Variants in B3GNT2 observed in about 807,000 individuals in gnomAD.
B3GNT2 encodes UDP-GlcNAc:betaGal beta-1,3-N-acetylglucosaminyltransferase 2.
In B3GNT2, 12 loss-of-function variants were observed where a neutral mutation model predicts 27.6. The observed-to-expected ratio is 0.44, with a 90% CI of 0.28 to 0.71. The LOEUF (loss-of-function observed/expected upper bound fraction) is 0.71. Ranked by LOEUF, B3GNT2 falls within the 30% of genes least tolerant of loss-of-function variation. B3GNT2 has a pLI of 0.17. For missense variants in B3GNT2, 413 were observed against 488.5 expected (o/e 0.85, Z 1.46); for synonymous variants, 192 against 189.7 (o/e 1.01, Z -0.10).
chr2:62,211,290 A>G (rs572496934), intron 1 of B3GNT2, among the ~76,000 whole-genome samples: 1 of 152,292 alleles, frequency 6.6e-6, no homozygotes, highest in African/African-American at 2.4e-5. Flanking sequence ...CAGGAGGTTG[A>G]GGCTGCAGTG....
Position 62,222,130 on chromosome 2 carries a change from C to T in B3GNT2, c.-9-82C>T. On this transcript the variant is annotated intron_variant, in intron 1 of 1. Coordinates refer to ENST00000301998, the MANE Select transcript of B3GNT2 (RefSeq NM_006577.6). This position sits in a 1 kb window ranked among gnomAD's most constrained non-coding sequence, Gnocchi z 4.2. Reference sequence around the variant, plus strand: ...GAGTCTTTGCTGTAAACCACTATTCCTGGGGAGACAGGTAAAATAAATTGT... The same window carrying T: ...GAGTCTTTGCTGTAAACCACTATTCTTGGGGAGACAGGTAAAATAAATTGT... 1 of 1,251,870 alleles carries T rather than the reference C, an allele frequency of 8.0e-7. No homozygotes were observed. The highest frequency in any genetic ancestry group is 1.1e-6 in the Non-Finnish European group (1 of 903,786). 77.5% of individuals were successfully genotyped at this position (1,251,870 alleles called of 1,614,324 possible).
At chr2:62,216,011 C>T (rs72803365) in intron 1 of B3GNT2, among the ~76,000 whole-genome samples, 1,966 of 152,250 alleles carry the variant, frequency 0.013, 22 homozygotes, top group Middle Eastern at 0.017. Context: ...TCGTTCTGTC[C>T]CTGGCTAGTT....
intron 1 of B3GNT2, among the ~76,000 whole-genome samples, chr2:62,205,130 T>C (rs942851564): frequency 2.0e-5 from 3 of 152,204 alleles, no homozygotes; most frequent in African/African-American, 4.8e-5. Flanking sequence ...CCTCCACATA[T>C]GTGATCACCT....
intron 1 of B3GNT2, among the ~76,000 whole-genome samples, chr2:62,217,388 C>T (rs1256435359): frequency 6.6e-6 from 1 of 152,314 alleles, no homozygotes; most frequent in East Asian, 1.9e-4. Context: ...GTGCCCCCTA[C>T]CCTGTGCCTC....
intron 1 of B3GNT2, chr2:62,215,456 C>T (rs1280170483): frequency 6.6e-6 from 1 of 152,330 alleles, no homozygotes; most frequent in Non-Finnish European, 1.5e-5. Context: ...CACTGAGCTG[C>T]TCCACTCACA....
chr2:62,217,053 A>G (rs1197245821), intron 1 of B3GNT2, among the ~76,000 whole-genome samples: 2 of 152,248 alleles, frequency 1.3e-5, no homozygotes, highest in Non-Finnish European at 2.9e-5. Context: ...CATTTTGCCC[A>G]GAGCCTAGCC....
intron 1 of B3GNT2, among the ~76,000 whole-genome samples, chr2:62,219,550 G>C (rs1467767402): frequency 6.6e-6 from 1 of 152,138 alleles, no homozygotes; most frequent in African/African-American, 2.4e-5. Context: ...AAAGTGCTGG[G>C]TTTACAGGCG....
At chr2:62,218,939 T>C (rs1160543197) in intron 1 of B3GNT2, among the ~76,000 whole-genome samples, 1 of 152,202 alleles carries the variant, frequency 6.6e-6, no homozygotes, top group African/African-American at 2.4e-5. Context: ...AAGGCTGAAT[T>C]GTAGCAGATG....
chr2:62,212,258 C>G (rs569045853), intron 1 of B3GNT2, among the ~76,000 whole-genome samples: 16 of 152,190 alleles, frequency 1.1e-4, no homozygotes, highest in Non-Finnish European at 2.1e-4. Flanking sequence ...GCACACCTTT[C>G]TCCAGCATCT....
intron 1 of B3GNT2, among the ~76,000 whole-genome samples, chr2:62,201,808 C>G (rs762761993): frequency 4.6e-5 from 7 of 152,330 alleles, no homozygotes; most frequent in East Asian, 3.9e-4. Context: ...TTGTACACTT[C>G]TAGAATGACC....
intron 1 of B3GNT2, among the ~76,000 whole-genome samples, chr2:62,205,099 G>A (rs1674346351): frequency 1.3e-5 from 2 of 152,188 alleles, no homozygotes; most frequent in Non-Finnish European, 2.9e-5. Flanking sequence ...CGTGGCACTG[G>A]GATTGCTGTG....
chr2:62,202,725 G>C (rs1435032385), intron 1 of B3GNT2, among the ~76,000 whole-genome samples: 4 of 152,184 alleles, frequency 2.6e-5, no homozygotes, highest in Non-Finnish European at 5.9e-5. Context: ...AAAGAAGCTG[G>C]AGGGATCCTT....
intron 1 of B3GNT2, among the ~76,000 whole-genome samples, chr2:62,214,403 C>T (rs762960526): frequency 2.6e-5 from 4 of 152,192 alleles, no homozygotes; most frequent in Non-Finnish European, 2.9e-5. Flanking sequence ...TGGCTGAATG[C>T]GCAGAGCAGG....
intron 1 of B3GNT2, among the ~76,000 whole-genome samples, chr2:62,200,766 GTCA>G (rs1674252003): frequency 6.6e-6 from 1 of 152,052 alleles, no homozygotes; most frequent in Admixed American, 6.6e-5. Context: ...TGTGACTTCT[GTCA>G]TCATAGATGG....
In B3GNT2 at chr2:62,224,255, A is replaced by G. The variant is rs985818293; in HGVS notation, c.*841A>G. The G allele has an allele frequency of 6.0e-6, 1 of 167,086 alleles. No individual in the cohort carries two copies. Among genetic ancestry groups the G allele is most frequent in the African/African-American group, 2.4e-5 (1 of 41,462 alleles). 10.4% of individuals were successfully genotyped at this position (167,086 alleles called of 1,614,324 possible). ...ATTTTGAACTTGAGTGAAAAGGTTG[A>G]AGTTACAGACTTTTGCATAGATGGT... On this transcript the variant is annotated 3_prime_UTR_variant, in exon 2 of 2. Transcript: ENST00000301998.
At chr2:62,219,177 C>T (rs1480059781) in intron 1 of B3GNT2, among the ~76,000 whole-genome samples, 1 of 152,174 alleles carries the variant, frequency 6.6e-6, no homozygotes, top group South Asian at 2.1e-4. Flanking sequence ...AAGTTCACAG[C>T]CTCCTATGTA....
chr2:62,201,940 T>TG (rs1558631072), intron 1 of B3GNT2, among the ~76,000 whole-genome samples: 1 of 152,214 alleles, frequency 6.6e-6, no homozygotes. Context: ...GTCCACACTG[T>TG]GGTCCCTACT....
rs780850209 is a variant in B3GNT2 at position 62,222,752 on chromosome 2, C to T, written c.532C>T (p.Arg178Ter). 8 of 1,614,048 alleles carry T rather than the reference C, an allele frequency of 5.0e-6. No homozygotes were observed. Among genetic ancestry groups the T allele is most frequent in the Non-Finnish European group, 5.9e-6 (7 of 1,180,044 alleles). Residue 178 changes from arginine (R) to a stop codon, truncating the protein, a stop_gained, in exon 2 of 2, where the codon CGA (arginine) becomes TGA (stop). Transcript: ENST00000301998. LOFTEE classifies it high-confidence loss of function. This position sits in a 1 kb window ranked among gnomAD's most constrained non-coding sequence, Gnocchi z 4.2. ...ESNAGNQTVV[R>*]VFLLGQTPPE... ...CAACGCAGGGAACCAAACGGTGGTG[C>T]GAGTCTTCCTGCTGGGCCAGACACC...
intron 1 of B3GNT2, among the ~76,000 whole-genome samples, chr2:62,215,854 C>T (rs1388288815): frequency 2.0e-5 from 3 of 152,216 alleles, no homozygotes; most frequent in Non-Finnish European, 2.9e-5. Context: ...CAGCCCCTTT[C>T]TCTCAGCCTG....
Sources: gnomAD v4.1 joint callset for allele counts (sites outside exome capture counted in the v4.1 genomes callset) on GRCh38, gnomAD v4.1.1 for gene constraint, Gnocchi (gnomAD v3.1) non-coding constraint, MANE v1.5 for transcripts, NCBI Gene and HGNC (gene_info 2026-07-23, HGNC 2026-07-21) for gene names.